The following FGF22 variants were observed in gnomAD, a reference collection of about 807,000 sequenced individuals.
FGF22 encodes FGF-22.
A neutral mutation model predicts 10.3 loss-of-function variants in FGF22; 11 were observed. The observed-to-expected ratio is 1.07, with a 90% CI of 0.67 to 1.77. The LOEUF (loss-of-function observed/expected upper bound fraction) is 1.77. FGF22 is among the 40% of genes most tolerant of loss of function. FGF22 has a pLI of 0.00. For missense variants in FGF22, 317 were observed against 273.2 expected (o/e 1.16, Z -1.13); for synonymous variants, 136 against 122.1 (o/e 1.11, Z -0.75).
intron 1 of FGF22, chr19:640,824 G>A (rs964236672): frequency 4.5e-5 from 10 of 222,798 alleles, no homozygotes. Context: ...ACTGGGAAGG[G>A]GGCCCGGGCC....
At chr19:640,058 C>T (rs1382706397) in exon 1 of FGF22, 3 of 1,417,248 alleles carry the variant, frequency 2.1e-6, no homozygotes, top group Admixed American at 2.7e-5. Flanking sequence ...CTGGCGGCGC[C>T]TCTTCTCCTC....
chr19:640,073 C>T, exon 1 of FGF22: 2 of 1,420,608 alleles, frequency 1.4e-6, no homozygotes, highest in South Asian at 1.4e-5. Context: ...CTCCTCCACT[C>T]ACTTCTTCCT....
chr19:640,979 C>T (rs998477241), intron 1 of FGF22: 17 of 355,682 alleles, frequency 4.8e-5, no homozygotes, highest in East Asian at 7.4e-5. Context: ...CCATCCATGG[C>T]GGGCATGGCC....
chr19:644,115 C>CACAG (rs1986007282), exon 3 of FGF22: 1 of 168,318 alleles, frequency 5.9e-6, no homozygotes, highest in Admixed American at 5.8e-5. Context: ...CCAGTGTCCT[C>CACAG]ACAGGGTCCT....
chr19:643,544 AGGCGGCCGGACGC>A lies in FGF22; in HGVS notation c.459_471del (p.Arg154ThrfsTer67). On this transcript the variant is annotated frameshift_variant, in exon 3 of 3. Transcript: ENST00000215530. LOFTEE classifies it high-confidence loss of function. ...TGGACAGGAGGGGGGGGCCCCGGCCAGGCGGCCGGACGCGGCGGTACCACCTGTCCGCCCACTT... is the reference window on the plus strand; with the variant it reads ...TGGACAGGAGGGGGGGGCCCCGGCCAGGCGGTACCACCTGTCCGCCCACTT... 1 of 1,598,574 alleles carries A rather than the reference AGGCGGCCGGACGC, an allele frequency of 6.3e-7. No homozygotes were observed. Among genetic ancestry groups the A allele is most frequent in the Non-Finnish European group, 8.5e-7 (1 of 1,174,950 alleles).
At chr19:640,132 C>A in exon 1 of FGF22, 1 of 1,334,106 alleles carries the variant, frequency 7.5e-7, no homozygotes. Context: ...GGCGCCACGG[C>A]CAGGACAGTG....
At chr19:643,556 G>A (rs371372271) in exon 3 of FGF22, 91 of 1,586,608 alleles carry the variant, frequency 5.7e-5, no homozygotes, top group Non-Finnish European at 7.0e-5. Flanking sequence ...GCGGCCGGAC[G>A]CGGCGGTACC....
exon 3 of FGF22, chr19:643,629 C>T (rs1353471686): frequency 6.7e-7 from 1 of 1,486,576 alleles, no homozygotes; most frequent in African/African-American, 1.4e-5. Context: ...GGCGGCTCCC[C>T]AAGGTGCCTG....
At chr19:640,058 C>A (rs1382706397) in exon 1 of FGF22, 2 of 1,417,248 alleles carry the variant, frequency 1.4e-6, no homozygotes, top group Admixed American at 2.7e-5. Context: ...CTGGCGGCGC[C>A]TCTTCTCCTC....
chr19:642,217 C>T (rs10419120), intron 1 of FGF22, among the ~76,000 whole-genome samples: 84,988 of 113,968 alleles, frequency 0.75, 31,832 homozygotes, highest in East Asian at 0.95. Flanking sequence ...CTGTGAGGGC[C>T]GGGCTGGGGG....
At position 640,030 on chromosome 19, in the gene FGF22, C is replaced by T. The variant is rs1985849116; in HGVS notation, c.105C>T (p.His35=). 2.1e-6 allele frequency: 3 copies of T among 1,398,356 alleles called. No homozygotes were observed. The African/African-American group carries it at 4.5e-5, about 21-fold the overall frequency. 86.6% of individuals were successfully genotyped at this position (1,398,356 alleles called of 1,614,324 possible). ...CGCGGGGACCGCGCAGCTACCCGCA[C>T]CTGGAGGGCGACGTGCGCTGGCGGC... The change falls in exon 1 of 3, where the codon CAC becomes CAT. Residue 35 remains histidine (H), a synonymous_variant. Coordinates refer to ENST00000215530, the Ensembl canonical transcript of FGF22.
At chr19:640,661 G>C (rs561751864) in intron 1 of FGF22, 1 of 156,456 alleles carries the variant, frequency 6.4e-6, no homozygotes, top group South Asian at 1.9e-4. Flanking sequence ...GGACGTCACG[G>C]AGCGGGCGTC....
Position 640,156 on chromosome 19 carries a change from G to T in FGF22, c.214+17G>T. 2.3e-6 allele frequency: 3 copies of T among 1,279,506 alleles called. No homozygotes were observed. Among genetic ancestry groups the T allele is most frequent in the Non-Finnish European group, 3.0e-6 (3 of 1,013,074 alleles). The allele number at this position is 1,279,506 out of a possible 1,614,324, so 79.3% of individuals were successfully genotyped here. On this transcript the variant is annotated intron_variant, in intron 1 of 2. Coordinates refer to ENST00000215530, the Ensembl canonical transcript of FGF22. ...GCCAGGACAGTGAGTGCGGGGCGGC[G>T]GGGGCCTGGGGTGGGGAGGCGGCGG...
chr19:641,258 C>T (rs1282958420), intron 1 of FGF22: 2 of 455,918 alleles, frequency 4.4e-6, no homozygotes, highest in Middle Eastern at 3.8e-4. Flanking sequence ...GACACGTGAA[C>T]AAGGGCGCAG....
intron 1 of FGF22, 61 bp from the exon 2 acceptor site, chr19:643,174 C>T (rs1265331225): frequency 2.2e-5 from 27 of 1,219,642 alleles, no homozygotes; most frequent in South Asian, 1.8e-4. Context: ...CGAAGCACAG[C>T]GGACAGCAGC....
intron 1 of FGF22, chr19:640,980 G>A (rs866532516): frequency 8.4e-5 from 30 of 356,486 alleles, no homozygotes; most frequent in Middle Eastern, 9.8e-4. Context: ...CATCCATGGC[G>A]GGCATGGCCA....
intron 1 of FGF22, among the ~76,000 whole-genome samples, chr19:641,787 C>T (rs1202543368): frequency 2.6e-5 from 4 of 151,806 alleles, no homozygotes; most frequent in Admixed American, 6.6e-5. Flanking sequence ...GGGAGGCTGC[C>T]CCGAGGAGCT....
At chr19:639,890 G>A in exon 1 of FGF22, 1 of 1,186,132 alleles carries the variant, frequency 8.4e-7, no homozygotes, top group East Asian at 3.8e-5. Flanking sequence ...CGGACGCCCG[G>A]GAGCGACGAG....
At chr19:643,446 A>G (rs1985978507) in exon 3 of FGF22, 3 of 1,611,328 alleles carry the variant, frequency 1.9e-6, no homozygotes, top group African/African-American at 1.3e-5. Flanking sequence ...CCGGGAGCGC[A>G]TCGAAGAGAA....
Sources: gnomAD v4.1 joint callset for allele counts (sites outside exome capture counted in the v4.1 genomes callset) on GRCh38, gnomAD v4.1.1 for gene constraint, MANE v1.5 for transcripts, NCBI Gene and HGNC (gene_info 2026-07-23, HGNC 2026-07-21) for gene names.